Variants in INSR observed in about 807,000 individuals in gnomAD.
The protein encoded by INSR is insulin receptor.
INSR carries 67 observed loss-of-function variants against 142.6 expected under a neutral mutation model. That is an observed-to-expected ratio of 0.47 (90% CI 0.39 to 0.58). The LOEUF (loss-of-function observed/expected upper bound fraction) is 0.58, where lower values mean the gene tolerates loss of function less well. Ranked by LOEUF, INSR falls within the 20% of genes least tolerant of loss-of-function variation. The pLI is 0.00. For missense variants in INSR, 1,248 were observed against 1,833.2 expected, an observed-to-expected ratio of 0.68 and a Z score of 5.83; for synonymous variants, 756 against 743.1, an observed-to-expected ratio of 1.02 and a Z score of -0.28.
chr19:7,277,225 T>C (rs548027524), intron 1 of INSR, among the ~76,000 whole-genome samples: 1 of 152,128 alleles, frequency 6.6e-6, no homozygotes, highest in Non-Finnish European at 1.5e-5. Flanking sequence ...TCCACCTGCC[T>C]GCAAGAATAG....
chr19:7,276,204 G>A (rs924576102), intron 1 of INSR, among the ~76,000 whole-genome samples: 2 of 151,328 alleles, frequency 1.3e-5, no homozygotes, highest in African/African-American at 4.9e-5. Context: ...GGAGTGCAGT[G>A]GTGCAATCAT....
intron 9 of INSR, among the ~76,000 whole-genome samples, chr19:7,153,155 C>G (rs62124501): frequency 0.021 from 33 of 1,576 alleles, 2 homozygotes; most frequent in Non-Finnish European, 0.055. Flanking sequence ...CCACACAACA[C>G]ACCACACATA....
chr19:7,243,419 TA>T (rs1448212029), intron 2 of INSR, among the ~76,000 whole-genome samples: 2 of 152,082 alleles, frequency 1.3e-5, no homozygotes, highest in East Asian at 1.9e-4. Flanking sequence ...CTAATTTTTG[TA>T]TTTTTAGTAG....
At chr19:7,253,321 C>T (rs1024391690) in intron 2 of INSR, among the ~76,000 whole-genome samples, 16 of 152,040 alleles carry the variant, frequency 1.1e-4, no homozygotes, top group African/African-American at 2.7e-4. Context: ...TCACTGCAAC[C>T]TCCACCTCCC....
intron 2 of INSR, among the ~76,000 whole-genome samples, chr19:7,195,628 TAAGACTCCGCCTCA>T (rs1413094705): frequency 3.3e-5 from 5 of 150,910 alleles, no homozygotes; most frequent in Middle Eastern, 6.8e-3. Context: ...GGTGACAGAG[TAAGACTCCGCCTCA>T]AAAAAAAATA....
chr19:7,164,773 C>G (rs1973851042), intron 8 of INSR, among the ~76,000 whole-genome samples: 1 of 133,234 alleles, frequency 7.5e-6, no homozygotes, highest in Admixed American at 8.8e-5. Flanking sequence ...TTGCAGTGAG[C>G]TGAGATAGGG....
intron 2 of INSR, among the ~76,000 whole-genome samples, chr19:7,259,071 CCCT>C (rs1976979767): frequency 7.5e-6 from 1 of 134,168 alleles, no homozygotes; most frequent in Admixed American, 7.6e-5. Context: ...CTTTCTCCTT[CCCT>C]CCTTCTTTCC....
At chr19:7,263,467 G>A (rs146055045) in intron 2 of INSR, among the ~76,000 whole-genome samples, 3 of 152,240 alleles carry the variant, frequency 2.0e-5, no homozygotes, top group Non-Finnish European at 2.9e-5. Context: ...TATACCACAT[G>A]CCAGGAACCC....
chr19:7,184,839 A>G (rs1042413979), intron 2 of INSR, among the ~76,000 whole-genome samples: 1 of 152,182 alleles, frequency 6.6e-6, no homozygotes, highest in African/African-American at 2.4e-5. Context: ...AACTGGTTTA[A>G]GCCTCCAAAC....
chr19:7,137,585 C>G (rs1972962881), intron 13 of INSR, among the ~76,000 whole-genome samples: 1 of 151,894 alleles, frequency 6.6e-6, no homozygotes. Context: ...GTTAAGAGCT[C>G]GAGACCAGCC....
At chr19:7,224,444 A>T (rs1339275620) in intron 2 of INSR, among the ~76,000 whole-genome samples, 1 of 152,046 alleles carries the variant, frequency 6.6e-6, no homozygotes, top group Non-Finnish European at 1.5e-5. Context: ...AAGCTCTGAA[A>T]ACCCATTCAT....
intron 9 of INSR, among the ~76,000 whole-genome samples, chr19:7,155,215 C>T (rs1305736756): frequency 2.0e-5 from 3 of 151,848 alleles, no homozygotes; most frequent in African/African-American, 4.8e-5. Context: ...CAGAAAGGCC[C>T]CAGGACAGGA....
At chr19:7,293,119 G>A (rs778789522) in intron 1 of INSR, among the ~76,000 whole-genome samples, 40 of 152,254 alleles carry the variant, frequency 2.6e-4, no homozygotes, top group Non-Finnish European at 5.3e-4. Flanking sequence ...AGGCTGTGGC[G>A]TGCGGTGATA....
rs558181580 is a variant in INSR, at chr19:7,232,671, G to A, written c.652+34674C>T. Among the ~76,000 whole-genome samples the A allele has an allele frequency of 5.3e-5, 8 of 152,028 alleles. No individual in the cohort carries two copies. In the South Asian group the frequency reaches 1.5e-3, roughly 28 times the overall value. ...TTAAACTACAAAAAATCAGCCAGGC[G>A]TGGTGGCAGGCGCCTGTAGTCCCAG... On this transcript the variant is annotated intron_variant, in intron 2 of 21. Coordinates refer to ENST00000302850, the MANE Select transcript of INSR (RefSeq NM_000208.4).
intron 2 of INSR, among the ~76,000 whole-genome samples, chr19:7,212,721 GA>G (rs888851802): frequency 5.3e-5 from 8 of 152,216 alleles, no homozygotes; most frequent in Admixed American, 4.6e-4. Context: ...AAGTAGTTGG[GA>G]CTACAGGCAC....
chr19:7,168,056 A>C lies in INSR; in HGVS notation c.1522T>G (p.Ser508Ala), dbSNP rs761228023. The C allele has an allele frequency of 6.2e-7, 1 of 1,614,116 alleles. No homozygotes were observed. Among genetic ancestry groups the C allele is most frequent in the Non-Finnish European group, 8.5e-7 (1 of 1,179,974 alleles). ...CATCTCAGCAAGATCTTGTCAAAAG[A>C]TGTCCGAATGTAAGAAAATTTAAGT... Reference protein sequence around the residue: ...ELLKFSYIRTSFDKILLRWEP... With the variant: ...ELLKFSYIRTAFDKILLRWEP... The change falls in exon 7 of 22, where the codon TCT becomes GCT. Residue 508 changes from serine to alanine, a missense_variant. Transcript: ENST00000302850. This position sits in a 1 kb window ranked among gnomAD's most constrained non-coding sequence, Gnocchi z 4.3.
chr19:7,171,087 C>A (rs559755529), intron 5 of INSR, among the ~76,000 whole-genome samples: 1 of 152,170 alleles, frequency 6.6e-6, no homozygotes, highest in Admixed American at 6.5e-5. Context: ...AGCAAAGTAG[C>A]CTGTTTTGGC....
At position 7,240,786 on chromosome 19, in the gene INSR, C is replaced by T. The variant is rs151107025; in HGVS notation, c.652+26559G>A. On this transcript the variant is annotated intron_variant, in intron 2 of 21. Transcript: ENST00000302850. Reference sequence around the variant, plus strand: ...TCAGGGCGGTGAAAACCTTGTTTCCCGCACAATATTACTGAAAATATTGTA... The same window carrying T: ...TCAGGGCGGTGAAAACCTTGTTTCCTGCACAATATTACTGAAAATATTGTA... 2.3e-3 allele frequency among the ~76,000 whole-genome samples: 356 copies of T among 152,158 alleles called. 1 individual carries two copies. The highest frequency in any genetic ancestry group is 7.6e-3 in the African/African-American group (314 of 41,520).
At chr19:7,247,382 C>G (rs955600702) in intron 2 of INSR, among the ~76,000 whole-genome samples, 1 of 152,144 alleles carries the variant, frequency 6.6e-6, no homozygotes, top group Non-Finnish European at 1.5e-5. Flanking sequence ...CTCTGAGCCC[C>G]GGTCAACACA....
Sources: gnomAD v4.1 joint callset for allele counts (sites outside exome capture counted in the v4.1 genomes callset) on GRCh38, gnomAD v4.1.1 for gene constraint, Gnocchi (gnomAD v3.1) non-coding constraint, MANE v1.5 for transcripts, NCBI Gene and HGNC (gene_info 2026-07-23, HGNC 2026-07-21) for gene names.